SV2B: variants seen among roughly 807,000 people sequenced by gnomAD.
SV2B encodes the protein solute carrier family 22 member B2.
Under a neutral mutation model 73.9 loss-of-function variants are expected in SV2B, and 41 were observed. That is an observed-to-expected ratio of 0.56 (90% CI 0.43 to 0.72). The LOEUF is 0.72. Ranked by LOEUF, SV2B falls within the 30% of genes least tolerant of loss-of-function variation. SV2B has a pLI of 0.00. For missense variants in SV2B, 764 were observed against 857.8 expected, an observed-to-expected ratio of 0.89 and a Z score of 1.37; for synonymous variants, 314 against 314.2, an observed-to-expected ratio of 1.00 and a Z score of 0.01.
In SV2B at chr15:91,289,723, T is replaced by C; in HGVS notation, c.1868+43T>C. The C allele has an allele frequency of 6.3e-7, 1 of 1,592,306 alleles. No homozygotes were observed. The highest frequency in any genetic ancestry group is 1.8e-5 in the Admixed American group (1 of 56,852). ...CTTTCCTCAGGGACTTGTTTGGGCT[T>C]CTTTGGCCAGAAGTCTACCTGCTCC... is the stretch of plus-strand genomic sequence containing the variant. On this transcript the variant is annotated intron_variant, in intron 12 of 12. Transcript: ENST00000394232. The surrounding 1 kb of genome is among the most constrained non-coding windows in gnomAD (Gnocchi z 4.9).
At chr15:91,291,464 A>C (rs567108782) in intron 12 of SV2B, among the ~76,000 whole-genome samples, 1 of 152,278 alleles carries the variant, frequency 6.6e-6, no homozygotes, top group South Asian at 2.1e-4. Context: ...GCTTTATTTC[A>C]GTTGGGGAGA....
At chr15:91,112,270 G>A (rs550189717) in intron 1 of SV2B, among the ~76,000 whole-genome samples, 1 of 152,296 alleles carries the variant, frequency 6.6e-6, no homozygotes, top group South Asian at 2.1e-4. Flanking sequence ...CGAGAACCAT[G>A]GTGATACAGA....
At chr15:91,126,100 C>A (rs990957131) in intron 1 of SV2B, among the ~76,000 whole-genome samples, 1 of 152,272 alleles carries the variant, frequency 6.6e-6, no homozygotes, top group Admixed American at 6.5e-5. Context: ...GAAAAAGGAG[C>A]CTCTCAGAAG....
At chr15:91,114,555 C>T (rs139144526) in intron 1 of SV2B, among the ~76,000 whole-genome samples, 6 of 152,266 alleles carry the variant, frequency 3.9e-5, no homozygotes, top group African/African-American at 1.2e-4. Context: ...CCAAGGGGTC[C>T]GTTTTTATTG....
At chr15:91,222,194 G>C (rs1383384634) in intron 1 of SV2B, among the ~76,000 whole-genome samples, 2 of 152,090 alleles carry the variant, frequency 1.3e-5, no homozygotes, top group African/African-American at 4.8e-5. Context: ...ACCCCTTGGA[G>C]AACAAATATT....
intron 1 of SV2B, among the ~76,000 whole-genome samples, chr15:91,159,129 C>G (rs2043619808): frequency 6.6e-6 from 1 of 152,154 alleles, no homozygotes; most frequent in South Asian, 2.1e-4. Context: ...TGCTGCCTTA[C>G]TTTGCTTTAG....
At chr15:91,146,461 A>T (rs1013986663) in intron 1 of SV2B, among the ~76,000 whole-genome samples, 8 of 152,094 alleles carry the variant, frequency 5.3e-5, no homozygotes, top group South Asian at 2.1e-4. Flanking sequence ...AATTTAAAAA[A>T]TTTTTCGAGT....
intron 1 of SV2B, among the ~76,000 whole-genome samples, chr15:91,111,575 G>T (rs191809949): frequency 9.2e-5 from 14 of 152,344 alleles, no homozygotes; most frequent in South Asian, 6.2e-4. Context: ...AGCCTTGAAG[G>T]TTGGGCTGTT....
intron 1 of SV2B, among the ~76,000 whole-genome samples, chr15:91,206,682 G>C (rs1219394745): frequency 2.0e-5 from 3 of 152,280 alleles, no homozygotes; most frequent in Non-Finnish European, 4.4e-5. Context: ...CCATTAAAAG[G>C]ATAATGGAGT....
At chr15:91,285,901 G>C (rs1180488303) in intron 11 of SV2B, among the ~76,000 whole-genome samples, 1 of 152,142 alleles carries the variant, frequency 6.6e-6, no homozygotes, top group African/African-American at 2.4e-5. Flanking sequence ...GGGCACAGGG[G>C]CAGGCGGGAC....
intron 1 of SV2B, among the ~76,000 whole-genome samples, chr15:91,192,431 T>G (rs192978074): frequency 6.6e-6 from 1 of 152,376 alleles, no homozygotes; most frequent in Admixed American, 6.5e-5. Context: ...GTTTCTGTCC[T>G]GAGGTCTGAG....
At chr15:91,112,894 G>A (rs1418713938) in intron 1 of SV2B, among the ~76,000 whole-genome samples, 1 of 152,154 alleles carries the variant, frequency 6.6e-6, no homozygotes, top group Non-Finnish European at 1.5e-5. Flanking sequence ...ATGGCTCACT[G>A]CAGCCTCAAA....
intron 6 of SV2B, among the ~76,000 whole-genome samples, chr15:91,264,082 C>T (rs1384909497): frequency 1.3e-5 from 2 of 152,246 alleles, no homozygotes; most frequent in Non-Finnish European, 2.9e-5. Flanking sequence ...CTTGCCTGTC[C>T]CAGGCACGCT....
intron 1 of SV2B, among the ~76,000 whole-genome samples, chr15:91,109,814 C>A (rs2041989134): frequency 6.6e-6 from 1 of 152,108 alleles, no homozygotes; most frequent in African/African-American, 2.4e-5. Flanking sequence ...GGTCTCACTG[C>A]AACCTCTGCC....
Position 91,261,001 on chromosome 15 carries a change from C to T in SV2B, c.1008+592C>T, listed in dbSNP as rs543448430. 2.3e-3 allele frequency among the ~76,000 whole-genome samples: 350 copies of T among 152,256 alleles called. 1 individual carries two copies. The highest frequency in any genetic ancestry group is 4.2e-3 in the Non-Finnish European group (284 of 68,016). On this transcript the variant is annotated intron_variant, in intron 6 of 12. Transcript: ENST00000394232. This position sits in a 1 kb window ranked among gnomAD's most constrained non-coding sequence, Gnocchi z 4.7. The stretch of plus-strand genomic sequence containing the variant: ...GTTCAAGATGAGATTTGTGTGGGAA[C>T]GCAGAGCCACACCACATCAGAGGCC...
intron 2 of SV2B, among the ~76,000 whole-genome samples, chr15:91,233,112 A>T (rs1055350429): frequency 9.2e-5 from 14 of 152,138 alleles, no homozygotes; most frequent in African/African-American, 3.4e-4. Flanking sequence ...TCCCCCGTTG[A>T]TGGGCACTTA....
At position 91,297,550 on chromosome 15, in the gene SV2B, AT is replaced by A. The variant is rs2049295284; in HGVS notation, c.*5004del. On this transcript the variant is annotated 3_prime_UTR_variant, in exon 13 of 13. Coordinates refer to ENST00000394232, the MANE Select transcript of SV2B (RefSeq NM_001323032.3). This position sits in a 1 kb window ranked among gnomAD's most constrained non-coding sequence, Gnocchi z 5.1. ...CTGGGGTGGGGTCTGAAGAATCTGC[AT>A]TTTTTAACAAACTCCCAGGTGACAT... 6.6e-6 allele frequency: 1 copy of A among 152,132 alleles called. No individual in the cohort carries two copies. Among genetic ancestry groups the A allele is most frequent in the Admixed American group, 6.5e-5 (1 of 15,282 alleles). 9.4% of individuals were successfully genotyped at this position (152,132 alleles called of 1,614,324 possible). A position where few individuals can be genotyped will look rare whatever the true frequency, so the allele number is the denominator to read the frequency against.
intron 1 of SV2B, among the ~76,000 whole-genome samples, chr15:91,127,450 C>T (rs1179157494): frequency 1.3e-5 from 2 of 152,024 alleles, no homozygotes; most frequent in Non-Finnish European, 1.5e-5. Context: ...GCATCCTGTT[C>T]TCCAAGCCCC....
intron 1 of SV2B, among the ~76,000 whole-genome samples, chr15:91,219,178 G>T (rs1230157658): frequency 6.6e-6 from 1 of 152,010 alleles, no homozygotes; most frequent in African/African-American, 2.4e-5. Flanking sequence ...CAAACTCCTG[G>T]TCTCAGGTGA....
Sources: gnomAD v4.1 joint callset for allele counts (sites outside exome capture counted in the v4.1 genomes callset) on GRCh38, gnomAD v4.1.1 for gene constraint, Gnocchi (gnomAD v3.1) non-coding constraint, MANE v1.5 for transcripts, NCBI Gene and HGNC (gene_info 2026-07-23, HGNC 2026-07-21) for gene names.